The following NXN variants were observed in gnomAD, a reference collection of about 807,000 sequenced individuals.
NXN encodes nucleoredoxin 1.
Under a neutral mutation model 48.6 loss-of-function variants are expected in NXN, and 16 were observed. That is an observed-to-expected ratio of 0.33 (90% CI 0.22 to 0.50). The LOEUF is 0.50. Among genes scored for constraint, NXN ranks in the 20% least tolerant of loss-of-function variants. The pLI is 0.98. For missense variants in NXN, 492 were observed against 605.5 expected (o/e 0.81, Z 1.97); for synonymous variants, 281 against 269.6 (o/e 1.04, Z -0.41).
At chr17:829,249 CG>C (rs569166935) in intron 1 of NXN, among the ~76,000 whole-genome samples, 217 of 151,792 alleles carry the variant, frequency 1.4e-3, no homozygotes, top group African/African-American at 5.1e-3. Context: ...CTCTGCCTCC[CG>C]GGTTCAACGA....
At chr17:947,887 A>AAC (rs1198171172) in intron 1 of NXN, among the ~76,000 whole-genome samples, 2 of 149,466 alleles carry the variant, frequency 1.3e-5, no homozygotes, top group African/African-American at 4.9e-5. Context: ...GAAATACAAA[A>AAC]AAAAAAAAAA....
chr17:827,226 C>T (rs1006322914), intron 1 of NXN, among the ~76,000 whole-genome samples: 3 of 152,098 alleles, frequency 2.0e-5, no homozygotes, highest in Non-Finnish European at 4.4e-5. Flanking sequence ...CATCTGTAAT[C>T]CCAGCACTTT....
rs1318257974 is a variant in NXN at position 858,931 on chromosome 17, C to A, written c.361-32853G>T. 3.9e-5 allele frequency among the ~76,000 whole-genome samples: 6 copies of A among 152,112 alleles called. No homozygotes were observed. The South Asian group carries it at 1.2e-3, about 32-fold the overall frequency. On this transcript the variant is annotated intron_variant, in intron 1 of 7. Transcript: ENST00000336868. ...TTTCTATCCCATAGCCAGCCAAGAG[C>A]AGGCAGGGGCCAATTTTCTGGGTTT...
Position 958,464 on chromosome 17 carries a change from T to C in NXN, c.360+20855A>G, listed in dbSNP as rs780887134. On this transcript the variant is annotated intron_variant, in intron 1 of 7. Coordinates refer to ENST00000336868, the MANE Select transcript of NXN (RefSeq NM_022463.5). This position sits in a 1 kb window ranked among gnomAD's most constrained non-coding sequence, Gnocchi z 6.9. ...GCGTTCAAAACCAGCCCGGGCAACA[T>C]AGCAGGACTCCAACTCTACAAAAAT... Among the ~76,000 whole-genome samples, 2 of 151,360 alleles carry C rather than the reference T, an allele frequency of 1.3e-5. No homozygotes were observed. The highest frequency in any genetic ancestry group is 2.9e-5 in the Non-Finnish European group (2 of 67,832).
At chr17:841,468 A>ACC (rs1914233898) in intron 1 of NXN, among the ~76,000 whole-genome samples, 5 of 85,532 alleles carry the variant, frequency 5.8e-5, no homozygotes, top group East Asian at 2.7e-4. Context: ...CGCATCTCAC[A>ACC]CGGGCGAGCA....
intron 5 of NXN, among the ~76,000 whole-genome samples, chr17:813,566 C>A (rs1912291263): frequency 6.6e-6 from 1 of 152,228 alleles, no homozygotes; most frequent in Admixed American, 6.5e-5. Flanking sequence ...CTAGGAGGAT[C>A]TGGAATTAAG....
intron 1 of NXN, among the ~76,000 whole-genome samples, chr17:869,354 A>C (rs1230072145): frequency 1.3e-5 from 2 of 152,086 alleles, no homozygotes; most frequent in East Asian, 1.9e-4. Context: ...GCACCAGCTC[A>C]TGCTCTCTGA....
intron 1 of NXN, among the ~76,000 whole-genome samples, chr17:963,588 C>T (rs548591700): frequency 1.4e-3 from 209 of 151,974 alleles, no homozygotes; most frequent in African/African-American, 4.8e-3. Flanking sequence ...GGTGACAGAA[C>T]AAGACTCTGT....
intron 1 of NXN, chr17:896,968 CG>C: frequency 8.4e-7 from 1 of 1,192,026 alleles, no homozygotes; most frequent in Non-Finnish European, 1.1e-6. Flanking sequence ...GTTGCAGTGA[CG>C]CCTCTCCTAG....
chr17:846,646 T>C (rs1166890111), intron 1 of NXN, among the ~76,000 whole-genome samples: 2 of 152,074 alleles, frequency 1.3e-5, no homozygotes, highest in Non-Finnish European at 2.9e-5. Context: ...TAATATAAAC[T>C]AATCCCAGTT....
At chr17:856,679 G>A (rs571662991) in intron 1 of NXN, among the ~76,000 whole-genome samples, 1 of 151,898 alleles carries the variant, frequency 6.6e-6, no homozygotes, top group South Asian at 2.1e-4. Context: ...TAGTAGAGAC[G>A]GGGTTTCTCC....
intron 1 of NXN, among the ~76,000 whole-genome samples, chr17:954,025 T>C (rs1192491572): frequency 2.6e-5 from 4 of 152,162 alleles, no homozygotes; most frequent in African/African-American, 9.7e-5. Flanking sequence ...CTATGCTGGG[T>C]TTCACAAAGT....
At chr17:937,968 A>G (rs567611570) in intron 1 of NXN, among the ~76,000 whole-genome samples, 1 of 152,364 alleles carries the variant, frequency 6.6e-6, no homozygotes, top group South Asian at 2.1e-4. Context: ...CACGGGGCGC[A>G]GGGGCCGTCG....
At chr17:860,006 A>G (rs112037593) in intron 1 of NXN, among the ~76,000 whole-genome samples, 1,572 of 152,322 alleles carry the variant, frequency 0.01, 25 homozygotes, top group African/African-American at 0.036. Flanking sequence ...TTACTTCTGC[A>G]GTAAGGAAGT....
intron 1 of NXN, among the ~76,000 whole-genome samples, chr17:872,708 C>T (rs1597682120): frequency 6.7e-6 from 1 of 149,654 alleles, no homozygotes; most frequent in East Asian, 2.0e-4. Flanking sequence ...GCAACCTCTG[C>T]CTCCTGGCCT....
intron 1 of NXN, among the ~76,000 whole-genome samples, chr17:878,799 A>G (rs1243404284): frequency 6.6e-6 from 1 of 152,148 alleles, no homozygotes; most frequent in East Asian, 1.9e-4. Context: ...CCTATTCATA[A>G]CCAGAGCCTA....
chr17:824,970 C>T (rs1913018320), intron 2 of NXN, among the ~76,000 whole-genome samples: 1 of 152,166 alleles, frequency 6.6e-6, no homozygotes, highest in African/African-American at 2.4e-5. Flanking sequence ...CGGCTCAGCC[C>T]CACGATCCCA....
chr17:954,839 T>C (rs887001435), intron 1 of NXN, among the ~76,000 whole-genome samples: 1 of 152,262 alleles, frequency 6.6e-6, no homozygotes, highest in Non-Finnish European at 1.5e-5. Flanking sequence ...TTGAAGCACC[T>C]GACCTTCTGT....
intron 1 of NXN, among the ~76,000 whole-genome samples, chr17:922,116 G>T (rs1336948763): frequency 6.6e-6 from 1 of 152,158 alleles, no homozygotes; most frequent in African/African-American, 2.4e-5. Context: ...AACAGAAACG[G>T]GTTAGCCCTG....
Sources: gnomAD v4.1 joint callset for allele counts (sites outside exome capture counted in the v4.1 genomes callset) on GRCh38, gnomAD v4.1.1 for gene constraint, Gnocchi (gnomAD v3.1) non-coding constraint, MANE v1.5 for transcripts, NCBI Gene and HGNC (gene_info 2026-07-23, HGNC 2026-07-21) for gene names.